DRP2: variants seen among roughly 807,000 people sequenced by gnomAD.
DRP2 encodes dystrophin-related protein 2.
DRP2 carries 29 observed loss-of-function variants against 78.2 expected under a neutral mutation model. The ratio of observed to expected loss-of-function variants is 0.37; its 90% CI spans 0.28 to 0.51. The LOEUF is 0.51. DRP2 is among the 20% of genes least tolerant of loss of function. The probability of loss-of-function intolerance (pLI) is 0.94; values close to 1 mark genes in which losing one functional copy is unlikely to be tolerated. For synonymous variants in DRP2, 290 were observed against 281.9 expected (o/e 1.03, Z -0.29); for missense variants, 686 against 770.6 (o/e 0.89, Z 1.30).
Position 101,245,102 on chromosome X carries a change from C to T in DRP2, c.1115+25C>T, listed in dbSNP as rs367680452. ...AGTGAGTGACCATCTGAATCAGAAG[C>T]GGGTCAGTCACCTGCCCACCCCCTC... is the stretch of plus-strand genomic sequence containing the variant. On this transcript the variant is annotated intron_variant, in intron 10 of 23. Transcript: ENST00000395209. 3.2e-5 allele frequency: 38 copies of T among 1,188,607 alleles called. No individual in the cohort carries two copies. The African/African-American group carries it at 4.6e-4, about 14-fold the overall frequency.
chrX:101,230,911 A>G (rs1322414013), intron 2 of DRP2, among the ~76,000 whole-genome samples: 1 of 111,670 alleles, frequency 9.0e-6, no homozygotes, highest in Non-Finnish European at 1.9e-5. Flanking sequence ...AAACAATTCC[A>G]TTATGACCTC....
chrX:101,263,082 C>T lies in DRP2; in HGVS notation c.*2461C>T, dbSNP rs1419275646. 1 of 111,496 alleles carries T rather than the reference C, an allele frequency of 9.0e-6. No homozygotes were observed. The highest frequency in any genetic ancestry group is 1.9e-5 in the Non-Finnish European group (1 of 53,137). 9.2% of individuals were successfully genotyped at this position (111,496 alleles called of 1,213,427 possible). ...AGCAGCAGGTCAAGAGTTGAATTCT[C>T]ACTAAGGGGTCACTGACATTTTGTG... is the stretch of plus-strand genomic sequence containing the variant. On this transcript the variant is annotated 3_prime_UTR_variant, in exon 24 of 24. Coordinates refer to ENST00000395209, the MANE Select transcript of DRP2 (RefSeq NM_001939.3).
intron 16 of DRP2, chrX:101,251,731 C>T (rs1465036031): frequency 8.9e-6 from 1 of 112,122 alleles, no homozygotes; most frequent in African/African-American, 3.2e-5. Context: ...ATTTTAACAG[C>T]CAACTGTCGT....
rs1168851379 is a variant in DRP2 at position 101,261,888 on chromosome X, G to A, written c.*1267G>A. ...ATAGATAGTAGGGGTGGGGGAGTGG[G>A]CTTGGGAATGTTGAATAGATTCAGA... is the stretch of plus-strand genomic sequence containing the variant. On this transcript the variant is annotated 3_prime_UTR_variant, in exon 24 of 24. Transcript: ENST00000395209. 8.9e-6 allele frequency: 1 copy of A among 111,955 alleles called. No individual in the cohort carries two copies. Among genetic ancestry groups the A allele is most frequent in the Non-Finnish European group, 1.9e-5 (1 of 53,192 alleles). The allele number at this position is 111,955 out of a possible 1,213,427, so 9.2% of individuals were successfully genotyped here.
At position 101,241,782 on chromosome X, in the gene DRP2, A is replaced by G. The variant is rs1428563933; in HGVS notation, c.674A>G (p.His225Arg). 1 of 1,211,927 alleles carries G rather than the reference A, an allele frequency of 8.3e-7. No homozygotes were observed. Residue 225 changes from histidine to arginine, a missense_variant, in exon 7 of 24, where the codon CAC becomes CGC. His to Arg is a conservative substitution (Grantham distance 29). This residue lies in a region of DRP2 where 263 missense variants were observed against 239.1 expected (regional missense o/e 1.10). Transcript: ENST00000395209. ...GCCCGCTGTGTGGACCAGCACCGTCACATTGAGCGGACTCTGGAGCAGCTC... is the reference window on the plus strand; with the variant it reads ...GCCCGCTGTGTGGACCAGCACCGTCGCATTGAGCGGACTCTGGAGCAGCTC... ...LTARCVDQHRHIERTLEQLLE... is the reference protein window; with the variant it reads ...LTARCVDQHRRIERTLEQLLE...
At chrX:101,242,045 C>T (rs746064766) in intron 7 of DRP2, 109 bp downstream of exon 7, 2 of 946,103 alleles carry the variant, frequency 2.1e-6, no homozygotes, top group Non-Finnish European at 2.9e-6. Context: ...TGGACTACAA[C>T]TGAGTTGCTG....
At chrX:101,238,456 A>G (rs987164215) in intron 5 of DRP2, among the ~76,000 whole-genome samples, 4 of 106,226 alleles carry the variant, frequency 3.8e-5, no homozygotes, top group Non-Finnish European at 7.8e-5. Flanking sequence ...CAGTGATTTT[A>G]CAAGTAAAAA....
chrX:101,261,722 T>A lies in DRP2; in HGVS notation c.*1101T>A, dbSNP rs756698260. ...CCACAAATCAGGAAGCTGGCCACTT[T>A]CCACCCAGACAACAACAGCAAGGCC... On this transcript the variant is annotated 3_prime_UTR_variant, in exon 24 of 24. Coordinates refer to ENST00000395209, the MANE Select transcript of DRP2 (RefSeq NM_001939.3). 1.8e-5 allele frequency: 2 copies of A among 112,565 alleles called. No individual in the cohort carries two copies. The highest frequency in any genetic ancestry group is 2.8e-4 in the East Asian group (1 of 3,572). 9.3% of individuals were successfully genotyped at this position (112,565 alleles called of 1,213,427 possible).
chrX:101,245,976 C>T (rs1393536402), intron 11 of DRP2, among the ~76,000 whole-genome samples: 2 of 112,283 alleles, frequency 1.8e-5, no homozygotes, highest in Non-Finnish European at 3.8e-5. Context: ...GATGGATGTA[C>T]TAATGGCATA....
At chrX:101,241,483 C>A (rs1436940003) in intron 6 of DRP2, among the ~76,000 whole-genome samples, 185 bp from the exon 7 acceptor site, 4 of 110,277 alleles carry the variant, frequency 3.6e-5, no homozygotes, top group Non-Finnish European at 7.6e-5. Flanking sequence ...TTAAAAAAAA[C>A]GTGACTGTAT....
rs1167730116 is a variant in DRP2 at position 101,224,191 on chromosome X, G to GTTTTTTTTTTT, written c.-166-393_-166-383dup. ...AATAAATGTTTGCTGGGTTTTTTTT[G>GTTTTTTTTTTT]TTTTTTTTTTTTTTTTTTTTTTTTT... On this transcript the variant is annotated intron_variant, in intron 1 of 23. Coordinates refer to ENST00000395209, the MANE Select transcript of DRP2 (RefSeq NM_001939.3). 5.2e-3 allele frequency among the ~76,000 whole-genome samples: 203 copies of GTTTTTTTTTTT among 38,866 alleles called. 10 individuals are homozygous for GTTTTTTTTTTT. Among genetic ancestry groups the GTTTTTTTTTTT allele is most frequent in the African/African-American group, 0.01 (81 of 7,897 alleles). 33.8% of individuals were successfully genotyped at this position (38,866 alleles called of 115,157 possible).
At chrX:101,227,127 G>C (rs773456636) in intron 2 of DRP2, among the ~76,000 whole-genome samples, 1 of 111,453 alleles carries the variant, frequency 9.0e-6, no homozygotes, top group African/African-American at 3.3e-5. Flanking sequence ...TAATCCATGA[G>C]TGGATTAATC....
intron 8 of DRP2, 126 bp from the exon 9 acceptor site, chrX:101,242,777 TG>T: frequency 1.5e-6 from 1 of 664,280 alleles, no homozygotes; most frequent in Non-Finnish European, 2.3e-6. Flanking sequence ...TGGGTGACGG[TG>T]GGAGAGGCTG....
At chrX:101,224,506 G>C (rs4024584) in intron 1 of DRP2, 98 bp from the exon 2 acceptor site, 2 of 109,845 alleles carry the variant, frequency 1.8e-5, no homozygotes, top group African/African-American at 6.6e-5. Flanking sequence ...GTTCCACTAA[G>C]CATGCTATTC....
rs180902128 is a variant in DRP2 at position 101,228,767 on chromosome X, G to A, written c.-63-2818G>A. 2.5e-3 allele frequency among the ~76,000 whole-genome samples: 283 copies of A among 111,387 alleles called. 1 individual carries two copies. Among genetic ancestry groups the A allele is most frequent in the Non-Finnish European group, 4.6e-3 (244 of 53,080 alleles). ...TACCAAAAATACAAAAAATTATCCA[G>A]GCATTGTGGTGCACACCTGTAGTCC... is the stretch of plus-strand genomic sequence containing the variant. On this transcript the variant is annotated intron_variant, in intron 2 of 23. Transcript: ENST00000395209.
Position 101,226,268 on chromosome X carries a change from A to AT in DRP2, c.-64+1570dup, listed in dbSNP as rs59175668. Among the ~76,000 whole-genome samples the AT allele has an allele frequency of 8.1e-3, 895 of 111,041 alleles. 13 individuals are homozygous for AT. The highest frequency in any genetic ancestry group is 0.028 in the African/African-American group (861 of 30,582). On this transcript the variant is annotated intron_variant, in intron 2 of 23. Coordinates refer to ENST00000395209, the MANE Select transcript of DRP2 (RefSeq NM_001939.3). Reference sequence around the variant, plus strand: ...AGTGATAGACGTTTAAGTTTTTGCAATTTTTTTTGCCATTTCAAGCCTTGT... The same window carrying AT: ...AGTGATAGACGTTTAAGTTTTTGCAATTTTTTTTTGCCATTTCAAGCCTTGT...
intron 16 of DRP2, among the ~76,000 whole-genome samples, chrX:101,252,032 T>C (rs1349741382): frequency 1.8e-5 from 2 of 112,269 alleles, no homozygotes. Flanking sequence ...ATCATATGAC[T>C]CCTCTAAGTC....
In DRP2 at chrX:101,252,807, T is replaced by C. The variant is rs927280481; in HGVS notation, c.1977+91T>C. The C allele has an allele frequency of 1.1e-5, 8 of 697,247 alleles. No homozygotes were observed. In the Admixed American group the frequency reaches 2.1e-4, roughly 18 times the overall value. 57.5% of individuals were successfully genotyped at this position (697,247 alleles called of 1,213,427 possible). On this transcript the variant is annotated intron_variant, in intron 17 of 23. Transcript: ENST00000395209. ...TGCCCAGCATTGGCTCATTGTTTTC[T>C]GCTCTCCCGTGGGGAGCATTCTCCA... is the stretch of plus-strand genomic sequence containing the variant.
At position 101,262,906 on chromosome X, in the gene DRP2, T is replaced by C. The variant is rs765947316; in HGVS notation, c.*2285T>C. The C allele has an allele frequency of 4.5e-5, 5 of 111,341 alleles. No individual in the cohort carries two copies. Among genetic ancestry groups the C allele is most frequent in the Non-Finnish European group, 9.4e-5 (5 of 53,056 alleles). 9.2% of individuals were successfully genotyped at this position (111,341 alleles called of 1,213,427 possible). A position where few individuals can be genotyped will look rare whatever the true frequency, so the allele number is the denominator to read the frequency against. ...GGGTACATGTTATGGAGCAATTTTT[T>C]ACCAGGAAAGTCCTGGAAAATCTTT... On this transcript the variant is annotated 3_prime_UTR_variant, in exon 24 of 24. Transcript: ENST00000395209.
Sources: gnomAD v4.1 joint callset for allele counts (sites outside exome capture counted in the v4.1 genomes callset) on GRCh38, gnomAD v4.1.1 for gene constraint, gnomAD v4.1.1 regional missense constraint, MANE v1.5 for transcripts, NCBI Gene and HGNC (gene_info 2026-07-23, HGNC 2026-07-21) for gene names.